The following RYR2 variants were observed in gnomAD, a reference collection of about 807,000 sequenced individuals.
The protein encoded by RYR2 is cardiac muscle ryanodine receptor-calcium release channel.
Under a neutral mutation model 601.1 loss-of-function variants are expected in RYR2, and 227 were observed. The observed-to-expected ratio is 0.38, with a 90% CI of 0.34 to 0.42. The LOEUF is 0.42. Ranked by LOEUF, RYR2 falls within the 10% of genes least tolerant of loss-of-function variation. The probability of loss-of-function intolerance (pLI) is 1.00; values close to 1 mark genes in which losing one functional copy is unlikely to be tolerated. For synonymous variants in RYR2, 2,223 were observed against 2,175.1 expected, an observed-to-expected ratio of 1.02 and a Z score of -0.61; for missense variants, 4,646 against 6,156.5, an observed-to-expected ratio of 0.75 and a Z score of 8.21.
At chr1:237,124,244 C>T (rs1200607257) in intron 1 of RYR2, among the ~76,000 whole-genome samples, 1 of 152,162 alleles carries the variant, frequency 6.6e-6, no homozygotes, top group Non-Finnish European at 1.5e-5. Flanking sequence ...CTTATAGACT[C>T]TTAGTGTAGG....
At chr1:237,555,679 T>C (rs1670809845) in intron 27 of RYR2, among the ~76,000 whole-genome samples, 1 of 152,160 alleles carries the variant, frequency 6.6e-6, no homozygotes, top group Non-Finnish European at 1.5e-5. Flanking sequence ...TTCCTGATAC[T>C]CACTGAAAAT....
chr1:237,048,980 C>T (rs1407689805), intron 1 of RYR2, among the ~76,000 whole-genome samples: 2 of 152,152 alleles, frequency 1.3e-5, no homozygotes, highest in African/African-American at 2.4e-5. Context: ...GAGGTAAGAT[C>T]TCTTCTGGAA....
At chr1:237,530,769 G>A (rs1184276933) in intron 25 of RYR2, among the ~76,000 whole-genome samples, 1 of 152,084 alleles carries the variant, frequency 6.6e-6, no homozygotes, top group African/African-American at 2.4e-5. Flanking sequence ...AATTAGCTGG[G>A]CGTGGTGGCA....
intron 3 of RYR2, among the ~76,000 whole-genome samples, chr1:237,339,055 TAA>T (rs2149604416): frequency 6.6e-6 from 1 of 152,316 alleles, no homozygotes; most frequent in African/African-American, 2.4e-5. Context: ...AGTCTCTGTA[TAA>T]GTCTTCTGTA....
intron 90 of RYR2, 87 bp downstream of exon 90, chr1:237,785,059 GC>G: frequency 1.0e-6 from 1 of 959,724 alleles, no homozygotes. Context: ...TCATGCTAGT[GC>G]CAGAACGGTG....
At chr1:237,574,060 C>A (rs190693207) in intron 29 of RYR2, among the ~76,000 whole-genome samples, 34 of 152,266 alleles carry the variant, frequency 2.2e-4, no homozygotes, top group African/African-American at 8.2e-4. Context: ...ACTAGAATTT[C>A]AGGGTTTAAA....
At chr1:237,632,801 C>T (rs1680494442) in intron 42 of RYR2, among the ~76,000 whole-genome samples, 1 of 152,094 alleles carries the variant, frequency 6.6e-6, no homozygotes, top group African/African-American at 2.4e-5. Context: ...TTTATAACCT[C>T]TGATATGAAA....
chr1:237,107,545 T>C lies in RYR2; in HGVS notation c.48+64976T>C, dbSNP rs113511628. 3.9e-3 allele frequency among the ~76,000 whole-genome samples: 315 copies of C among 81,292 alleles called. 1 individual carries two copies. Among genetic ancestry groups the C allele is most frequent in the African/African-American group, 0.011 (296 of 27,856 alleles). The allele number at this position is 81,292 out of a possible 152,430, so 53.3% of individuals were successfully genotyped here. A position where few individuals can be genotyped will look rare whatever the true frequency, so the allele number is the denominator to read the frequency against. On this transcript the variant is annotated intron_variant, in intron 1 of 104. Coordinates refer to ENST00000366574, the MANE Select transcript of RYR2 (RefSeq NM_001035.3). ...AAAAAAAAAAAAAAAAAGGAAACAT[T>C]GTAGGTTCTCACTTCTCTGCAGCTT...
chr1:237,488,021 A>C (rs917036643), intron 17 of RYR2, among the ~76,000 whole-genome samples: 1 of 152,128 alleles, frequency 6.6e-6, no homozygotes, highest in Admixed American at 6.6e-5. Context: ...ATTTGTTTTC[A>C]TATAGCCATT....
chr1:237,805,574 C>CTTTTTTTTTTTTTT (rs1553334508), intron 98 of RYR2, among the ~76,000 whole-genome samples: 10 of 100,452 alleles, frequency 1.0e-4, no homozygotes, highest in Non-Finnish European at 5.4e-5. Flanking sequence ...GAGCTAGACT[C>CTTTTTTTTTTTTTT]TGTCTCAAAA....
At chr1:237,220,134 C>T (rs1252236691) in intron 1 of RYR2, among the ~76,000 whole-genome samples, 2 of 152,140 alleles carry the variant, frequency 1.3e-5, no homozygotes, top group Non-Finnish European at 2.9e-5. Context: ...CTGGGTGTGT[C>T]TGTGAGGGTG....
At chr1:237,131,973 C>T (rs1672218925) in intron 1 of RYR2, among the ~76,000 whole-genome samples, 4 of 152,190 alleles carry the variant, frequency 2.6e-5, no homozygotes, top group African/African-American at 9.6e-5. Flanking sequence ...ATCCTCCCAC[C>T]TCAGCCTCCC....
intron 53 of RYR2, 98 bp from the exon 54 acceptor site, chr1:237,657,846 A>G: frequency 1.7e-6 from 1 of 604,606 alleles, no homozygotes; most frequent in South Asian, 2.3e-5. Context: ...TTAAAATTGA[A>G]TGAGATATAA....
intron 65 of RYR2, among the ~76,000 whole-genome samples, chr1:237,701,180 C>T (rs1342339610): frequency 6.6e-6 from 1 of 152,206 alleles, no homozygotes; most frequent in Admixed American, 6.5e-5. Flanking sequence ...TGCTGAGTTA[C>T]TCAGTGGGTG....
At chr1:237,366,674 T>TCA (rs56679247) in intron 5 of RYR2, among the ~76,000 whole-genome samples, 10,256 of 144,806 alleles carry the variant, frequency 0.071, 351 homozygotes, top group South Asian at 0.18. Flanking sequence ...ACCTCTTTAG[T>TCA]CACACACACA....
chr1:237,541,258 C>G (rs1249555359), intron 25 of RYR2, among the ~76,000 whole-genome samples: 1 of 152,090 alleles, frequency 6.6e-6, no homozygotes, highest in East Asian at 1.9e-4. Flanking sequence ...GATTTAAATC[C>G]AATGAGCCTT....
chr1:237,153,662 TA>T (rs66524716), intron 1 of RYR2, among the ~76,000 whole-genome samples: 62,500 of 150,902 alleles, frequency 0.41, 15,341 homozygotes, highest in Non-Finnish European at 0.54. Flanking sequence ...CTTTTTTTTT[TA>T]ATTTTCCCAA....
intron 25 of RYR2, among the ~76,000 whole-genome samples, chr1:237,546,994 T>C (rs1432966164): frequency 9.6e-6 from 1 of 103,852 alleles, no homozygotes; most frequent in East Asian, 2.7e-4. Context: ...TATATATATA[T>C]ATTTATTTAT....
intron 38 of RYR2, among the ~76,000 whole-genome samples, chr1:237,620,625 A>G (rs1203801057): frequency 6.6e-6 from 1 of 152,146 alleles, no homozygotes; most frequent in East Asian, 1.9e-4. Flanking sequence ...TATTATTAAA[A>G]TATTAATCAA....
Sources: allele counts gnomAD v4.1 joint callset (sites outside exome capture counted in the v4.1 genomes callset), GRCh38; gene constraint gnomAD v4.1.1; transcripts MANE v1.5; gene names NCBI Gene and HGNC (gene_info 2026-07-23, HGNC 2026-07-21).